Variants in RBM19 observed in about 807,000 individuals in gnomAD.
The protein encoded by RBM19 is RNA binding motif protein 19.
Under a neutral mutation model 116.8 loss-of-function variants are expected in RBM19, and 94 were observed. The ratio of observed to expected loss-of-function variants is 0.80; its 90% CI spans 0.68 to 0.95. The LOEUF is 0.95. Ranked by LOEUF, RBM19 falls within the 40% of genes least tolerant of loss-of-function variation. The pLI is 0.00. For missense variants in RBM19, 1,161 were observed against 1,220.7 expected, an observed-to-expected ratio of 0.95 and a Z score of 0.73; for synonymous variants, 475 against 494.1, an observed-to-expected ratio of 0.96 and a Z score of 0.51.
chr12:113,819,860 C>T (rs886390918), downstream of RBM19, among the ~76,000 whole-genome samples: 1 of 152,222 alleles, frequency 6.6e-6, no homozygotes, highest in African/African-American at 2.4e-5. Flanking sequence ...TTTATGGCTA[C>T]CTGGCTGTAC....
At chr12:113,946,606 G>C (rs1871044656) in intron 11 of RBM19, 131 bp from the exon 12 acceptor site, 1 of 1,260,552 alleles carries the variant, frequency 7.9e-7, no homozygotes, top group Non-Finnish European at 1.1e-6. Context: ...GGGTGGGAGG[G>C]AGGTCAGGTA....
intron 7 of RBM19, among the ~76,000 whole-genome samples, chr12:113,953,739 C>T (rs185748403): frequency 1.3e-5 from 2 of 152,346 alleles, no homozygotes; most frequent in African/African-American, 4.8e-5. Context: ...CACACATTTG[C>T]CTACACAGAA....
intron 1 of RBM19, among the ~76,000 whole-genome samples, chr12:113,963,168 GC>G (rs1340792889): frequency 6.6e-6 from 1 of 152,188 alleles, no homozygotes; most frequent in African/African-American, 2.4e-5. Flanking sequence ...TTTCTGACCT[GC>G]AAAACTGTAA....
At chr12:113,828,128 A>G (rs1043988565) in intron 23 of RBM19, among the ~76,000 whole-genome samples, 1 of 149,758 alleles carries the variant, frequency 6.7e-6, no homozygotes, top group African/African-American at 2.4e-5. Flanking sequence ...AAAAGTGACC[A>G]ATGGGATGGA....
chr12:113,898,265 TAGAC>T lies in RBM19; in HGVS notation c.2558+16700_2558+16703del, dbSNP rs978703855. ...AATTTCAGGTTTTTCTGTTTTTATT[TAGAC>T]AGTCTAATTTTTAATACGTGTACAT... On this transcript the variant is annotated intron_variant, in intron 21 of 23. Coordinates refer to ENST00000261741, the MANE Select transcript of RBM19 (RefSeq NM_016196.4). The surrounding 1 kb of genome is among the most constrained non-coding windows in gnomAD (Gnocchi z 4.3). 2.0e-5 allele frequency among the ~76,000 whole-genome samples: 3 copies of T among 152,170 alleles called. No individual in the cohort carries two copies. Among genetic ancestry groups the T allele is most frequent in the Non-Finnish European group, 4.4e-5 (3 of 68,032 alleles).
chr12:113,822,718 T>G lies in RBM19; in HGVS notation c.*506A>C, dbSNP rs539947007. 2 of 157,508 alleles carry G rather than the reference T, an allele frequency of 1.3e-5. No homozygotes were observed. The highest frequency in any genetic ancestry group is 4.8e-5 in the African/African-American group (2 of 41,566). 9.8% of individuals were successfully genotyped at this position (157,508 alleles called of 1,614,324 possible). The stretch of plus-strand genomic sequence containing the variant: ...TCATGCATTACTGCGTTTATTTCTC[T>G]CTAAAACCTTATGAAGTAAGAACTA... On this transcript the variant is annotated 3_prime_UTR_variant, in exon 24 of 24. Transcript: ENST00000261741.
chr12:113,930,794 G>A (rs1330428746), intron 16 of RBM19, among the ~76,000 whole-genome samples: 1 of 152,146 alleles, frequency 6.6e-6, no homozygotes, highest in African/African-American at 2.4e-5. Context: ...GATCCTAGAA[G>A]AACTAACAGT....
intron 21 of RBM19, among the ~76,000 whole-genome samples, chr12:113,901,498 T>TATTCATTC (rs148668311): frequency 0.063 from 9,589 of 151,710 alleles, 556 homozygotes; most frequent in East Asian, 0.31. Context: ...TTCCTTCTTT[T>TATTCATTC]ATTCATTCAT....
chr12:113,824,857 C>A (rs1019029949), intron 23 of RBM19, among the ~76,000 whole-genome samples: 1 of 152,102 alleles, frequency 6.6e-6, no homozygotes, highest in South Asian at 2.1e-4. Context: ...CACTAGAGAC[C>A]CCCCTCCCAC....
chr12:113,855,039 T>C (rs576278300), intron 22 of RBM19, among the ~76,000 whole-genome samples: 2 of 152,152 alleles, frequency 1.3e-5, no homozygotes, highest in Non-Finnish European at 2.9e-5. Flanking sequence ...AGTTTGGGGG[T>C]ATGTGTGCTG....
intron 2 of RBM19, 124 bp from the exon 3 acceptor site, chr12:113,960,302 T>A: frequency 7.8e-7 from 1 of 1,280,744 alleles, no homozygotes; most frequent in Non-Finnish European, 1.1e-6. Flanking sequence ...TTTGCTGAAG[T>A]AGATTACACG....
chr12:113,860,843 A>G (rs117084612), intron 21 of RBM19, among the ~76,000 whole-genome samples: 1 of 152,082 alleles, frequency 6.6e-6, no homozygotes, highest in African/African-American at 2.4e-5. Context: ...TCATCACTGG[A>G]CCTGTGTCAG....
At chr12:113,926,834 C>T (rs1169706405) in intron 17 of RBM19, among the ~76,000 whole-genome samples, 1 of 152,038 alleles carries the variant, frequency 6.6e-6, no homozygotes, top group Non-Finnish European at 1.5e-5. Context: ...GTGGTAGCCC[C>T]TATCAGGGCC....
At chr12:113,935,149 G>A (rs866288987) in intron 16 of RBM19, among the ~76,000 whole-genome samples, 3 of 152,216 alleles carry the variant, frequency 2.0e-5, no homozygotes, top group East Asian at 1.9e-4. Flanking sequence ...AGGAAATGAA[G>A]AGCCTGGTGG....
intron 21 of RBM19, among the ~76,000 whole-genome samples, chr12:113,860,665 G>T (rs1878291764): frequency 6.6e-6 from 1 of 152,210 alleles, no homozygotes; most frequent in Non-Finnish European, 1.5e-5. Context: ...TCACCTAACT[G>T]CACTAGCCCC....
chr12:113,886,646 C>G (rs1048701890), intron 21 of RBM19, among the ~76,000 whole-genome samples: 5 of 152,142 alleles, frequency 3.3e-5, no homozygotes, highest in Admixed American at 6.5e-5. Flanking sequence ...ACCTAACAGG[C>G]ACTTTTCACA....
At chr12:113,833,750 C>T (rs1875634509) in intron 23 of RBM19, among the ~76,000 whole-genome samples, 1 of 152,148 alleles carries the variant, frequency 6.6e-6, no homozygotes, top group Non-Finnish European at 1.5e-5. Flanking sequence ...CTTTTCTTTT[C>T]GTTTTTAAAA....
chr12:113,955,618 G>A (rs1482002971), intron 6 of RBM19, among the ~76,000 whole-genome samples: 1 of 152,164 alleles, frequency 6.6e-6, no homozygotes, highest in African/African-American at 2.4e-5. Context: ...ACAATCCCAT[G>A]GGGATTATGG....
At position 113,822,955 on chromosome 12, in the gene RBM19, C is replaced by T; in HGVS notation, c.*269G>A. 1 of 443,848 alleles carries T rather than the reference C, an allele frequency of 2.3e-6. No homozygotes were observed. Among genetic ancestry groups the T allele is most frequent in the Non-Finnish European group, 4.1e-6 (1 of 243,080 alleles). The allele number at this position is 443,848 out of a possible 1,614,324, so 27.5% of individuals were successfully genotyped here. On this transcript the variant is annotated 3_prime_UTR_variant, in exon 24 of 24. Coordinates refer to ENST00000261741, the MANE Select transcript of RBM19 (RefSeq NM_016196.4). Reference sequence around the variant, plus strand: ...GTCTCTCTTCCTAACGTGGCTGCTCCCTTGGACTCTTCCGTGTCTGCTACA... The same window carrying T: ...GTCTCTCTTCCTAACGTGGCTGCTCTCTTGGACTCTTCCGTGTCTGCTACA...
Sources: gnomAD v4.1 joint callset for allele counts (sites outside exome capture counted in the v4.1 genomes callset) on GRCh38, gnomAD v4.1.1 for gene constraint, Gnocchi (gnomAD v3.1) non-coding constraint, MANE v1.5 for transcripts, NCBI Gene and HGNC (gene_info 2026-07-23, HGNC 2026-07-21) for gene names.